Variants in TTF1 observed in about 807,000 individuals in gnomAD.
TTF1 encodes transcription termination factor, RNA polymerase I.
Under a neutral mutation model 80.2 loss-of-function variants are expected in TTF1, and 64 were observed. The ratio of observed to expected loss-of-function variants is 0.80; its 90% CI spans 0.65 to 0.98. The LOEUF is 0.98. Among genes scored for constraint, TTF1 ranks in the 50% least tolerant of loss-of-function variants. TTF1 has a pLI of 0.00. For missense variants in TTF1, 1,023 were observed against 1,086.2 expected, an observed-to-expected ratio of 0.94 and a Z score of 0.82; for synonymous variants, 372 against 382.7, an observed-to-expected ratio of 0.97 and a Z score of 0.33.
chr9:132,393,319 G>T (rs1449402721), intron 5 of TTF1, among the ~76,000 whole-genome samples: 1 of 151,508 alleles, frequency 6.6e-6, no homozygotes, highest in Admixed American at 6.6e-5. Flanking sequence ...ACTGTAACAT[G>T]TTCATGATGG....
intron 3 of TTF1, 37 bp downstream of exon 3, chr9:132,399,998 A>G (rs1554730174): frequency 6.2e-7 from 1 of 1,607,202 alleles, no homozygotes; most frequent in Non-Finnish European, 8.5e-7. Flanking sequence ...CTCTGCATAC[A>G]GGAAGTTCAA....
At chr9:132,395,802 C>T (rs902531164) in intron 5 of TTF1, among the ~76,000 whole-genome samples, 14 of 152,186 alleles carry the variant, frequency 9.2e-5, no homozygotes, top group Admixed American at 2.6e-4. Flanking sequence ...TTTCGGGGGC[C>T]GTGGAATCCG....
chr9:132,390,954 T>G, intron 6 of TTF1, 123 bp from the exon 7 acceptor site: 1 of 825,448 alleles, frequency 1.2e-6, no homozygotes. Flanking sequence ...TATATAGACA[T>G]AAAACAAACA....
chr9:132,397,950 C>T (rs1332158927), intron 4 of TTF1, among the ~76,000 whole-genome samples, 191 bp downstream of exon 4: 1 of 151,614 alleles, frequency 6.6e-6, no homozygotes, highest in African/African-American at 2.4e-5. Context: ...TGCACCACTG[C>T]ACTCCAGCCT....
At chr9:132,398,081 T>A (rs926310506) in intron 4 of TTF1, 60 bp downstream of exon 4, 3 of 1,425,698 alleles carry the variant, frequency 2.1e-6, no homozygotes, top group Non-Finnish European at 2.8e-6. Context: ...TTACCATGGG[T>A]TATCTTGTTT....
intron 8 of TTF1, among the ~76,000 whole-genome samples, 161 bp downstream of exon 8, chr9:132,387,978 T>C (rs904205634): frequency 6.6e-6 from 1 of 152,234 alleles, no homozygotes; most frequent in East Asian, 1.9e-4. Context: ...ATGAGTAAAC[T>C]GAGACTTAGA....
chr9:132,388,188 T>C lies in TTF1; in HGVS notation c.2263A>G (p.Ile755Val), dbSNP rs550746748. Reference protein sequence around the residue: ...LTKRMTNGRRIYYGMNALRAK... With the variant: ...LTKRMTNGRRVYYGMNALRAK... ...CGCAGGGCATTCATGCCATAGTAGA[T>C]ACGCCGACCATTAGTCATCCTCTTG... The change falls in exon 8 of 11, where the codon ATC (isoleucine) becomes GTC (valine). Residue 755 changes from isoleucine to valine, a missense_variant. Ile to Val is a conservative substitution (Grantham distance 29). Coordinates refer to ENST00000334270, the MANE Select transcript of TTF1 (RefSeq NM_007344.4). The C allele has an allele frequency of 1.2e-4, 198 of 1,611,938 alleles. 1 individual carries two copies. The South Asian group carries it at 2.0e-3, about 17-fold the overall frequency.
Position 132,402,787 on chromosome 9 carries a change from G to A in TTF1, c.35C>T (p.Thr12Ile). Reference protein sequence around the residue: ...EGESSRFEIHTPVSDKKKKKC... With the variant: ...EGESSRFEIHIPVSDKKKKKC... ...TTTCTTTTTCTTGTCAGAAACTGGA[G>A]TGTGGATTTCAAATCTGCTTGATTC... Residue 12 changes from threonine to isoleucine, a missense_variant, in exon 2 of 11, where the codon ACT (threonine) becomes ATT (isoleucine). Transcript: ENST00000334270. The A allele has an allele frequency of 6.3e-7, 1 of 1,592,698 alleles. No homozygotes were observed. Among genetic ancestry groups the A allele is most frequent in the Non-Finnish European group, 8.5e-7 (1 of 1,173,258 alleles).
chr9:132,406,434 T>C (rs1849868594), intron 1 of TTF1, among the ~76,000 whole-genome samples: 1 of 151,850 alleles, frequency 6.6e-6, no homozygotes, highest in Admixed American at 6.6e-5. Flanking sequence ...AAACCCTGTC[T>C]CTACTAAAAA....
rs539435332 is a variant in TTF1, at chr9:132,378,472, G to GTGCA, written c.2464+583_2464+586dup. On this transcript the variant is annotated intron_variant, in intron 10 of 10. Transcript: ENST00000334270. The stretch of plus-strand genomic sequence containing the variant: ...GTGTGAGTGCATGTGGTGTGTGTGA[G>GTGCA]TGCATGTGGTGTGTGTGAATGCATG... Among the ~76,000 whole-genome samples, 4 of 144,192 alleles carry GTGCA rather than the reference G, an allele frequency of 2.8e-5. 1 individual carries two copies. The South Asian group carries it at 9.1e-4, about 33-fold the overall frequency. 94.6% of individuals were successfully genotyped at this position (144,192 alleles called of 152,430 possible). A position where few individuals can be genotyped will look rare whatever the true frequency, so the allele number is the denominator to read the frequency against.
chr9:132,380,685 C>T (rs912128974), intron 9 of TTF1, among the ~76,000 whole-genome samples: 1 of 152,188 alleles, frequency 6.6e-6, no homozygotes, highest in African/African-American at 2.4e-5. Flanking sequence ...TCCTTAAATC[C>T]TGCCTATATA....
intron 9 of TTF1, among the ~76,000 whole-genome samples, chr9:132,383,250 C>CA (rs35384741): frequency 2.3e-4 from 29 of 125,358 alleles, no homozygotes; most frequent in African/African-American, 7.5e-4. Flanking sequence ...CTCTTGTCTT[C>CA]AAAAAAAAAA....
At chr9:132,397,416 C>T (rs1325266015) in intron 4 of TTF1, among the ~76,000 whole-genome samples, 2 of 152,214 alleles carry the variant, frequency 1.3e-5, no homozygotes, top group Non-Finnish European at 2.9e-5. Flanking sequence ...TCCCATATGA[C>T]AGCATGACCT....
intron 3 of TTF1, 92 bp from the exon 4 acceptor site, chr9:132,398,418 C>G: frequency 7.4e-7 from 1 of 1,343,174 alleles, no homozygotes. Context: ...AATGACAGTA[C>G]CTCGGCCCAA....
intron 1 of TTF1, among the ~76,000 whole-genome samples, chr9:132,406,457 C>G: frequency 6.6e-6 from 1 of 152,098 alleles, no homozygotes; most frequent in East Asian, 1.9e-4. Context: ...CAAAAATTAG[C>G]TAGGCTTGGT....
Position 132,375,912 on chromosome 9 carries a change from A to C in TTF1, c.*3T>G. On this transcript the variant is annotated 3_prime_UTR_variant, in exon 11 of 11. Coordinates refer to ENST00000334270, the MANE Select transcript of TTF1 (RefSeq NM_007344.4). ...TGGTCAGGCCGGTCTCGAACTCCTGACCTCAGATGATCCACCGGCCTTGGC... is the reference window on the plus strand; with the variant it reads ...TGGTCAGGCCGGTCTCGAACTCCTGCCCTCAGATGATCCACCGGCCTTGGC... The C allele has an allele frequency of 6.5e-7, 1 of 1,547,656 alleles. No homozygotes were observed. The highest frequency in any genetic ancestry group is 1.8e-5 in the Admixed American group (1 of 55,484).
chr9:132,398,537 C>A (rs757425093), intron 3 of TTF1, among the ~76,000 whole-genome samples: 17 of 152,200 alleles, frequency 1.1e-4, no homozygotes, highest in Non-Finnish European at 2.4e-4. Context: ...CCCGGGTCAT[C>A]CTATTCCAAA....
chr9:132,400,531 T>C (rs529978289), intron 2 of TTF1, among the ~76,000 whole-genome samples: 1 of 152,148 alleles, frequency 6.6e-6, no homozygotes, highest in Admixed American at 6.5e-5. Context: ...CCATGTTGGC[T>C]AGGCTGGTCT....
intron 8 of TTF1, among the ~76,000 whole-genome samples, chr9:132,387,191 T>C (rs895798360): frequency 1.4e-4 from 21 of 152,108 alleles, no homozygotes; most frequent in African/African-American, 5.1e-4. Flanking sequence ...ACTCCTGGGC[T>C]CCTCCTGCCT....
Sources: allele counts gnomAD v4.1 joint callset (sites outside exome capture counted in the v4.1 genomes callset), GRCh38; gene constraint gnomAD v4.1.1; transcripts MANE v1.5; gene names NCBI Gene and HGNC (gene_info 2026-07-23, HGNC 2026-07-21).